POLE: variants seen among roughly 807,000 people sequenced by gnomAD.
POLE encodes the protein DNA polymerase epsilon catalytic subunit A.
POLE carries 188 observed loss-of-function variants against 279.2 expected under a neutral mutation model. That is an observed-to-expected ratio of 0.67 (90% CI 0.60 to 0.76). The LOEUF is 0.76. Ranked by LOEUF, POLE falls within the 30% of genes least tolerant of loss-of-function variation. POLE has a pLI of 0.00. For synonymous variants in POLE, 1,214 were observed against 1,172.5 expected (o/e 1.04, Z -0.72); for missense variants, 2,703 against 3,016.7 (o/e 0.90, Z 2.44).
intron 38 of POLE, 138 bp downstream of exon 38, chr12:132,642,039 A>G (rs1368463709): frequency 1.1e-6 from 1 of 949,562 alleles, no homozygotes; most frequent in African/African-American, 1.6e-5. Context: ...TGACCCCAGG[A>G]CCGTCTCCTG....
intron 32 of POLE, among the ~76,000 whole-genome samples, chr12:132,645,271 G>A (rs1216426312): frequency 7.0e-6 from 1 of 142,962 alleles, no homozygotes; most frequent in Non-Finnish European, 1.5e-5. Context: ...CTCCCTGTGT[G>A]GAGGGCTGGG....
intron 23 of POLE, among the ~76,000 whole-genome samples, chr12:132,663,747 T>C (rs2042728221): frequency 6.6e-6 from 1 of 152,242 alleles, no homozygotes; most frequent in African/African-American, 2.4e-5. Flanking sequence ...CTCTGTACTA[T>C]TTTTGTAATT....
chr12:132,667,045 T>C (rs2042812223), intron 20 of POLE, among the ~76,000 whole-genome samples: 1 of 151,846 alleles, frequency 6.6e-6, no homozygotes. Context: ...AAAACAGAGG[T>C]GTTGCTATGC....
In POLE at chr12:132,676,648, A is replaced by ATTT; in HGVS notation, c.806_807insAAA (p.Pro269_Val270insAsn). 1 of 1,609,260 alleles carries ATTT rather than the reference A, an allele frequency of 6.2e-7. No homozygotes were observed. The highest frequency in any genetic ancestry group is 8.5e-7 in the Non-Finnish European group (1 of 1,175,714). On this transcript the variant is annotated inframe_insertion, in exon 9 of 49. Coordinates refer to ENST00000320574, the MANE Select transcript of POLE (RefSeq NM_006231.4). ...TCTCAATGTCAAATGCCAAAACCAC[A>ATTT]GGGTCCTGTGGGGACAAAATAAGCA...
At position 132,675,644 on chromosome 12, in the gene POLE, T is replaced by C. The variant is rs2043030315; in HGVS notation, c.1106+91A>G. ...GTGCAGAGTGAACCCAGGAGCCACC[T>C]CCTAAGTCGACATGGGAAGCGCCCC... On this transcript the variant is annotated intron_variant, in intron 11 of 48. Coordinates refer to ENST00000320574, the MANE Select transcript of POLE (RefSeq NM_006231.4). The surrounding 1 kb of genome is among the most constrained non-coding windows in gnomAD (Gnocchi z 4.3). The C allele has an allele frequency of 3.8e-6, 6 of 1,571,536 alleles. No individual in the cohort carries two copies. Among genetic ancestry groups the C allele is most frequent in the Non-Finnish European group, 5.2e-6 (6 of 1,144,894 alleles).
intron 32 of POLE, 183 bp downstream of exon 32, chr12:132,648,746 C>T: frequency 3.3e-6 from 2 of 613,760 alleles, no homozygotes; most frequent in African/African-American, 1.8e-5. Context: ...ACCAGCAGCT[C>T]CATTCCCGGC....
intron 16 of POLE, among the ~76,000 whole-genome samples, chr12:132,669,635 G>C (rs937469996): frequency 1.3e-5 from 2 of 152,098 alleles, no homozygotes; most frequent in Admixed American, 1.3e-4. Context: ...ACAGATAAAC[G>C]AATCAGCCGG....
Position 132,680,165 on chromosome 12 carries a change from G to C in POLE, c.330+13C>G, listed in dbSNP as rs2043137488. The C allele has an allele frequency of 6.2e-7, 1 of 1,613,104 alleles. No homozygotes were observed. ...CACAGGTCGTCTGACCTGAGTCTAT[G>C]AAACACACTCACCTTTCTGGTCGCA... is the stretch of plus-strand genomic sequence containing the variant. On this transcript the variant is annotated intron_variant, in intron 4 of 48. Transcript: ENST00000320574.
At chr12:132,649,933 G>A in intron 29 of POLE, 44 bp from the exon 30 acceptor site, 1 of 1,555,508 alleles carries the variant, frequency 6.4e-7, no homozygotes. Context: ...ATCTCGGGCT[G>A]CGCAGGGTGG....
At chr12:132,672,121 G>A (rs1365737229) in intron 16 of POLE, 94 bp downstream of exon 16, 6 of 845,762 alleles carry the variant, frequency 7.1e-6, no homozygotes, top group South Asian at 1.4e-5. Context: ...AGCACCACAC[G>A]CAGCAGGTGC....
chr12:132,681,202 C>T lies in POLE; in HGVS notation c.140G>A (p.Arg47Gln), dbSNP rs1161199196. The part of the protein sequence containing the change: ...RSQWTDKMDL[R>Q]FGFERLKEPG... ...CTCCTTCAGCCGCTCAAAACCAAAC[C>T]GCAAATCCATCTTATCCGTCCACTG... The change falls in exon 2 of 49, where the codon CGG (arginine) becomes CAG (glutamine). Residue 47 changes from arginine to glutamine, a missense_variant. Physicochemically the swap from Arg to Gln is conservative, Grantham distance 43. This residue lies in a region of POLE where 1,011 missense variants were observed against 1,111.7 expected (regional missense o/e 0.91). Coordinates refer to ENST00000320574, the MANE Select transcript of POLE (RefSeq NM_006231.4). 12 of 1,614,072 alleles carry T rather than the reference C, an allele frequency of 7.4e-6. No individual in the cohort carries two copies. Among genetic ancestry groups the T allele is most frequent in the Admixed American group, 1.7e-5 (1 of 60,010 alleles).
At position 132,634,434 on chromosome 12, in the gene POLE, G is replaced by C; in HGVS notation, c.5812-56C>G. 3 of 1,538,136 alleles carry C rather than the reference G, an allele frequency of 2.0e-6. No homozygotes were observed. The highest frequency in any genetic ancestry group is 1.2e-5 in the South Asian group (1 of 83,558). On this transcript the variant is annotated intron_variant, in intron 42 of 48. Transcript: ENST00000320574. The surrounding 1 kb of genome is among the most constrained non-coding windows in gnomAD (Gnocchi z 4.0). ...TGCACCATCGCGGCCTGGTAGAGGG[G>C]TAGGATGCCACAGCGAAGGCTCCTC...
Position 132,639,779 on chromosome 12 carries a change from C to A in POLE, c.5379-481G>T, listed in dbSNP as rs1017857463. Among the ~76,000 whole-genome samples, 7 of 152,130 alleles carry A rather than the reference C, an allele frequency of 4.6e-5. No homozygotes were observed. The highest frequency in any genetic ancestry group is 9.7e-5 in the African/African-American group (4 of 41,428). ...CCAACCTGGCCAACATGGTGAAACC[C>A]CGTCTCTATTAAAAATACAAAAATT... On this transcript the variant is annotated intron_variant, in intron 39 of 48. Coordinates refer to ENST00000320574, the MANE Select transcript of POLE (RefSeq NM_006231.4). This position sits in a 1 kb window ranked among gnomAD's most constrained non-coding sequence, Gnocchi z 4.7.
chr12:132,658,418 A>G (rs2042597794), intron 26 of POLE: 1 of 170,640 alleles, frequency 5.9e-6, no homozygotes, highest in African/African-American at 2.4e-5. Context: ...AACCACGCGC[A>G]TGCGTATAGG....
chr12:132,654,093 ACTTTC>A (rs771470670), intron 29 of POLE, among the ~76,000 whole-genome samples: 29 of 151,776 alleles, frequency 1.9e-4, no homozygotes, highest in Admixed American at 5.3e-4. Context: ...ATGGCCCGTA[ACTTTC>A]CTTTCCTGTT....
At position 132,624,925 on chromosome 12, in the gene POLE, C is replaced by T. The variant is rs747349009; in HGVS notation, c.6727G>A (p.Ala2243Thr). Residue 2243 changes from alanine (A) to threonine (T), a missense_variant, in exon 48 of 49, where the codon GCC becomes ACC. By Grantham distance (58) the Ala-to-Thr change is moderately conservative (BLOSUM62 0). Transcript: ENST00000320574. ...PVYCSCAGDF[A>T]LTIHTQVFME... ...CCCACCTGGGTGTGGATGGTGAGGG[C>T]GAAGTCTCCCGCGCAGCTGCAGTAC... is the stretch of plus-strand genomic sequence containing the variant. 1.6e-5 allele frequency: 26 copies of T among 1,614,026 alleles called. No individual in the cohort carries two copies. The highest frequency in any genetic ancestry group is 2.1e-5 in the Non-Finnish European group (25 of 1,179,926).
intron 2 of POLE, 104 bp downstream of exon 2, chr12:132,681,034 A>G (rs969767492): frequency 9.4e-5 from 127 of 1,356,890 alleles, no homozygotes; most frequent in Non-Finnish European, 1.2e-4. Flanking sequence ...CACCTGATTC[A>G]CTCAAAGTTC....
Position 132,664,495 on chromosome 12 carries a change from T to C in POLE, c.2469-33A>G. On this transcript the variant is annotated intron_variant, in intron 21 of 48. Transcript: ENST00000320574. This position sits in a 1 kb window ranked among gnomAD's most constrained non-coding sequence, Gnocchi z 5.3. ...GACACCACAAACTGGTGGGTGGGGC[T>C]GGCATGGCTCCTCCAGGGGGTATCA... 6.5e-7 allele frequency: 1 copy of C among 1,534,010 alleles called. No individual in the cohort carries two copies. The highest frequency in any genetic ancestry group is 9.0e-7 in the Non-Finnish European group (1 of 1,108,014).
intron 45 of POLE, among the ~76,000 whole-genome samples, chr12:132,629,796 G>A (rs1302066671): frequency 6.6e-6 from 1 of 152,188 alleles, no homozygotes; most frequent in Non-Finnish European, 1.5e-5. Flanking sequence ...TTCCTTTGCA[G>A]TTGACTTGGC....
Sources: allele counts gnomAD v4.1 joint callset (sites outside exome capture counted in the v4.1 genomes callset), GRCh38; gene constraint gnomAD v4.1.1; regional missense constraint gnomAD v4.1.1; non-coding constraint Gnocchi (gnomAD v3.1); transcripts MANE v1.5; gene names NCBI Gene and HGNC (gene_info 2026-07-23, HGNC 2026-07-21).